CTNNA3: variants seen among roughly 807,000 people sequenced by gnomAD.
CTNNA3 encodes catenin alpha 3.
CTNNA3 carries 76 observed loss-of-function variants against 95.7 expected under a neutral mutation model. That is an observed-to-expected ratio of 0.79 (90% CI 0.66 to 0.96). CTNNA3 has a LOEUF of 0.96. Among genes scored for constraint, CTNNA3 ranks in the 40% least tolerant of loss-of-function variants. The probability of loss-of-function intolerance (pLI) is 0.00; values close to 1 mark genes in which losing one functional copy is unlikely to be tolerated. For missense variants in CTNNA3, 1,191 were observed against 1,089.8 expected (o/e 1.09, Z -1.31); for synonymous variants, 431 against 374.4 (o/e 1.15, Z -1.74).
intron 6 of CTNNA3, among the ~76,000 whole-genome samples, chr10:67,201,623 G>A (rs1389879856): frequency 6.6e-6 from 1 of 151,994 alleles, no homozygotes; most frequent in Non-Finnish European, 1.5e-5. Context: ...TGAGATTTTT[G>A]TTAACATATA....
chr10:66,732,861 T>TC (rs1314863946), intron 9 of CTNNA3, among the ~76,000 whole-genome samples: 1 of 152,106 alleles, frequency 6.6e-6, no homozygotes, highest in Admixed American at 6.5e-5. Flanking sequence ...AGCGACATGA[T>TC]CTCAGCTCAC....
At chr10:67,690,765 C>A (rs1309674365) in intron 1 of CTNNA3, among the ~76,000 whole-genome samples, 9 of 152,198 alleles carry the variant, frequency 5.9e-5, no homozygotes, top group Non-Finnish European at 1.2e-4. Context: ...TTAAGCAACG[C>A]TACTCAAACT....
At chr10:67,342,004 A>C (rs1267123006) in intron 5 of CTNNA3, among the ~76,000 whole-genome samples, 1 of 42,052 alleles carries the variant, frequency 2.4e-5, no homozygotes, top group East Asian at 1.2e-3. Flanking sequence ...TTTTTGCCTC[A>C]AACTCCATCT....
chr10:66,104,052 A>C (rs1174273336), intron 13 of CTNNA3, among the ~76,000 whole-genome samples: 2 of 152,214 alleles, frequency 1.3e-5, no homozygotes, highest in Admixed American at 6.5e-5. Context: ...TATATCATCA[A>C]AATGCCACCA....
chr10:66,229,409 C>T (rs143323491), intron 13 of CTNNA3, among the ~76,000 whole-genome samples: 92 of 152,174 alleles, frequency 6.0e-4, no homozygotes, highest in African/African-American at 2.1e-3. Flanking sequence ...GGGCTGGTCT[C>T]GTGGTGATGA....
At chr10:66,172,964 A>G (rs2085508379) in intron 13 of CTNNA3, among the ~76,000 whole-genome samples, 1 of 152,158 alleles carries the variant, frequency 6.6e-6, no homozygotes, top group Non-Finnish European at 1.5e-5. Flanking sequence ...CAAATAATGC[A>G]CAATTAAGAA....
intron 14 of CTNNA3, among the ~76,000 whole-genome samples, chr10:66,100,770 T>C (rs1352616059): frequency 6.6e-6 from 1 of 152,098 alleles, no homozygotes; most frequent in Non-Finnish European, 1.5e-5. Context: ...CAAATGAAAA[T>C]AGTAGTAATA....
chr10:67,353,907 C>A (rs982283168), intron 5 of CTNNA3, among the ~76,000 whole-genome samples: 3 of 151,998 alleles, frequency 2.0e-5, no homozygotes, highest in Admixed American at 2.0e-4. Flanking sequence ...ACCAATGAAG[C>A]TGCAATGTCT....
intron 7 of CTNNA3, among the ~76,000 whole-genome samples, chr10:67,004,124 TG>T (rs1851836609): frequency 6.6e-6 from 1 of 151,970 alleles, no homozygotes; most frequent in Admixed American, 6.6e-5. Context: ...GATCTGGCTG[TG>T]GAGCCATGGC....
intron 1 of CTNNA3, chr10:67,750,844 C>T (rs1385674586): frequency 6.2e-7 from 1 of 1,610,844 alleles, no homozygotes; most frequent in African/African-American, 1.3e-5. Context: ...GGTTGAGTGT[C>T]ACCCATACCT....
chr10:67,618,142 G>A (rs994232329), intron 2 of CTNNA3, among the ~76,000 whole-genome samples: 3 of 152,082 alleles, frequency 2.0e-5, no homozygotes, highest in African/African-American at 7.2e-5. Flanking sequence ...TCAAAGAAAT[G>A]TTGAATAAGA....
chr10:67,353,488 G>GAT (rs1392115070), intron 5 of CTNNA3, among the ~76,000 whole-genome samples: 1,208 of 13,768 alleles, frequency 0.088, 26 homozygotes, highest in Admixed American at 0.15. Context: ...ACGTTACATA[G>GAT]TCTTAAAGAT....
chr10:66,514,386 G>C (rs1394612425), intron 11 of CTNNA3, among the ~76,000 whole-genome samples: 1 of 152,116 alleles, frequency 6.6e-6, no homozygotes, highest in South Asian at 2.1e-4. Context: ...TGGGGGAAAA[G>C]TGAACATATT....
At chr10:67,513,925 C>G (rs144383906) in intron 5 of CTNNA3, among the ~76,000 whole-genome samples, 125 of 152,324 alleles carry the variant, frequency 8.2e-4, no homozygotes, top group African/African-American at 2.8e-3. Context: ...ATATCATTTC[C>G]TGTTATTGTC....
chr10:66,429,010 G>T (rs946575901), intron 11 of CTNNA3, among the ~76,000 whole-genome samples: 4 of 151,846 alleles, frequency 2.6e-5, no homozygotes, highest in African/African-American at 9.7e-5. Context: ...CCGCTAGCAA[G>T]ACTAATAAAG....
At position 66,867,620 on chromosome 10, in the gene CTNNA3, T is replaced by C. The variant is rs117701292; in HGVS notation, c.1048-92096A>G. Among the ~76,000 whole-genome samples, 819 of 152,238 alleles carry C rather than the reference T, an allele frequency of 5.4e-3. 5 individuals are homozygous for C. Among genetic ancestry groups the C allele is most frequent in the Non-Finnish European group, 9.4e-3 (640 of 68,012 alleles). The stretch of plus-strand genomic sequence containing the variant: ...CCTCGCCTCTATTTTCTGAGGTAGA[T>C]TGCTCTTCTAGCCGAGACTGAAATA... On this transcript the variant is annotated intron_variant, in intron 7 of 17. Coordinates refer to ENST00000433211, the MANE Select transcript of CTNNA3 (RefSeq NM_013266.4).
rs954471037 is a variant in CTNNA3, at chr10:67,376,338, C to G, written c.579+145504G>C. ...CTAGTAAACACTTAGCTTCCTTAGACTTCATAGTGGAGTCTGGCAAAAGAG... is the reference window on the plus strand; with the variant it reads ...CTAGTAAACACTTAGCTTCCTTAGAGTTCATAGTGGAGTCTGGCAAAAGAG... On this transcript the variant is annotated intron_variant, in intron 5 of 17. Coordinates refer to ENST00000433211, the MANE Select transcript of CTNNA3 (RefSeq NM_013266.4). 3.9e-5 allele frequency among the ~76,000 whole-genome samples: 6 copies of G among 152,300 alleles called. No individual in the cohort carries two copies. In the South Asian group the frequency reaches 1.2e-3, roughly 32 times the overall value.
chr10:66,988,037 A>G (rs1019678753), intron 7 of CTNNA3, among the ~76,000 whole-genome samples: 2 of 152,168 alleles, frequency 1.3e-5, no homozygotes, highest in Admixed American at 1.3e-4. Flanking sequence ...AATATAATTT[A>G]GTCTTTTTGT....
At chr10:66,404,914 G>C (rs1297931070) in intron 11 of CTNNA3, among the ~76,000 whole-genome samples, 1 of 152,116 alleles carries the variant, frequency 6.6e-6, no homozygotes, top group Admixed American at 6.6e-5. Context: ...AAATGGTTAG[G>C]GGCAGAACAT....
Sources: gnomAD v4.1 joint callset for allele counts (sites outside exome capture counted in the v4.1 genomes callset) on GRCh38, gnomAD v4.1.1 for gene constraint, MANE v1.5 for transcripts, NCBI Gene and HGNC (gene_info 2026-07-23, HGNC 2026-07-21) for gene names.